DNAJC1: variants seen among roughly 807,000 people sequenced by gnomAD.
The protein encoded by DNAJC1 is DnaJ heat shock protein family (Hsp40) member C1, also known as dnaJ homolog subfamily C member 1.
In DNAJC1, 58 loss-of-function variants were observed where a neutral mutation model predicts 76.6. The observed-to-expected ratio is 0.76, with a 90% CI of 0.61 to 0.94. DNAJC1 has a LOEUF of 0.94. DNAJC1 is among the 40% of genes least tolerant of loss of function. The pLI is 0.00. For missense variants in DNAJC1, 689 were observed against 677.3 expected (o/e 1.02, Z -0.19); for synonymous variants, 258 against 267.9 (o/e 0.96, Z 0.36).
intron 7 of DNAJC1, among the ~76,000 whole-genome samples, chr10:21,890,402 G>C (rs1398983330): frequency 4.4e-5 from 6 of 136,590 alleles, no homozygotes; most frequent in Non-Finnish European, 9.2e-5. Flanking sequence ...GAAACAGTGA[G>C]ACTCCATATC....
chr10:21,781,608 C>T (rs887054996), intron 9 of DNAJC1, among the ~76,000 whole-genome samples: 2 of 150,718 alleles, frequency 1.3e-5, no homozygotes, highest in African/African-American at 4.9e-5. Flanking sequence ...GTAGTCCCAG[C>T]TACTCAGGAG....
At chr10:21,882,179 T>A in intron 8 of DNAJC1, 103 bp downstream of exon 8, 1 of 1,085,530 alleles carries the variant, frequency 9.2e-7, no homozygotes, top group South Asian at 1.8e-5. Context: ...ATAGTATTTG[T>A]GAAGTGCAAT....
chr10:21,968,327 C>G (rs1210850861), intron 1 of DNAJC1, among the ~76,000 whole-genome samples: 1 of 152,112 alleles, frequency 6.6e-6, no homozygotes, highest in African/African-American at 2.4e-5. Flanking sequence ...ACCTCACAAT[C>G]ACCTTATAAG....
intron 8 of DNAJC1, among the ~76,000 whole-genome samples, chr10:21,845,656 C>T (rs1006210567): frequency 1.3e-5 from 2 of 152,056 alleles, no homozygotes; most frequent in East Asian, 3.9e-4. Flanking sequence ...AATTTTTAAA[C>T]TGGGCTCTAA....
intron 3 of DNAJC1, among the ~76,000 whole-genome samples, chr10:21,924,017 T>C (rs1590051085): frequency 1.3e-5 from 2 of 152,170 alleles, no homozygotes; most frequent in East Asian, 3.9e-4. Flanking sequence ...GCTTGAATTT[T>C]TAGTTTAAAA....
chr10:21,972,135 C>A (rs1837989922), intron 1 of DNAJC1, among the ~76,000 whole-genome samples: 1 of 151,776 alleles, frequency 6.6e-6, no homozygotes, highest in African/African-American at 2.4e-5. Flanking sequence ...AATGAAATTA[C>A]AAAACAAAGA....
At position 21,916,066 on chromosome 10, in the gene DNAJC1, A is replaced by G. The variant is rs150931583; in HGVS notation, c.729+2713T>C. Among the ~76,000 whole-genome samples, 12 of 152,350 alleles carry G rather than the reference A, an allele frequency of 7.9e-5. No homozygotes were observed. In the East Asian group the frequency reaches 1.5e-3, roughly 20 times the overall value. On this transcript the variant is annotated intron_variant, in intron 6 of 11. Transcript: ENST00000376980. ...ATGAAAGACTTGGAGAAAACCATAT[A>G]TATCTACAAAGATTATACAATTACA...
At chr10:21,993,440 A>C (rs1361095273) in intron 1 of DNAJC1, among the ~76,000 whole-genome samples, 1 of 152,204 alleles carries the variant, frequency 6.6e-6, no homozygotes, top group East Asian at 1.9e-4. Context: ...CCAATTGGGA[A>C]GCTCGGTCTT....
intron 9 of DNAJC1, among the ~76,000 whole-genome samples, chr10:21,805,353 G>A (rs962440292): frequency 5.3e-5 from 8 of 151,282 alleles, no homozygotes; most frequent in Non-Finnish European, 1.0e-4. Context: ...AAAATTTTCT[G>A]CTCTAAATTT....
intron 8 of DNAJC1, among the ~76,000 whole-genome samples, chr10:21,827,247 C>T (rs1835276371): frequency 6.6e-6 from 1 of 152,132 alleles, no homozygotes; most frequent in Non-Finnish European, 1.5e-5. Flanking sequence ...TCCCCAGTGT[C>T]TGCCTTGGGG....
chr10:21,999,067 T>G (rs1324585108), intron 1 of DNAJC1, among the ~76,000 whole-genome samples: 1 of 152,226 alleles, frequency 6.6e-6, no homozygotes, highest in Non-Finnish European at 1.5e-5. Flanking sequence ...GATAAGGGGA[T>G]AAAGAAGATG....
chr10:21,845,764 T>C (rs1049548794), intron 8 of DNAJC1, among the ~76,000 whole-genome samples: 2 of 152,186 alleles, frequency 1.3e-5, no homozygotes, highest in South Asian at 2.1e-4. Flanking sequence ...AAAATAATTA[T>C]TAAAAAAACA....
chr10:21,772,554 C>T (rs1834398901), intron 9 of DNAJC1, among the ~76,000 whole-genome samples: 1 of 151,684 alleles, frequency 6.6e-6, no homozygotes, highest in African/African-American at 2.4e-5. Context: ...CTTTATAATC[C>T]TTTTTATTTA....
At chr10:21,919,361 G>A (rs1397418664) in intron 5 of DNAJC1, among the ~76,000 whole-genome samples, 1 of 151,952 alleles carries the variant, frequency 6.6e-6, no homozygotes, top group African/African-American at 2.4e-5. Context: ...CAGAATAGAT[G>A]ACAGGCAGAA....
intron 8 of DNAJC1, among the ~76,000 whole-genome samples, chr10:21,877,394 T>C (rs192462284): frequency 2.6e-4 from 40 of 151,584 alleles, no homozygotes; most frequent in African/African-American, 9.4e-4. Context: ...AAGACACCAC[T>C]AAGAACAAAA....
chr10:21,923,318 G>T (rs1837068290), intron 3 of DNAJC1, among the ~76,000 whole-genome samples: 1 of 151,902 alleles, frequency 6.6e-6, no homozygotes, highest in Non-Finnish European at 1.5e-5. Flanking sequence ...GCTGTTAAAA[G>T]ATAAATCACT....
At chr10:21,935,323 C>T (rs1837293640) in intron 1 of DNAJC1, among the ~76,000 whole-genome samples, 1 of 151,828 alleles carries the variant, frequency 6.6e-6, no homozygotes. Context: ...TCTGGACTAG[C>T]AAAATACATA....
At chr10:21,906,351 C>A (rs1836745142) in intron 6 of DNAJC1, among the ~76,000 whole-genome samples, 1 of 151,562 alleles carries the variant, frequency 6.6e-6, no homozygotes, top group Non-Finnish European at 1.5e-5. Context: ...CCTTAACATT[C>A]CCCACCCCCC....
At chr10:21,828,749 T>G (rs1380694412) in intron 8 of DNAJC1, among the ~76,000 whole-genome samples, 1 of 152,200 alleles carries the variant, frequency 6.6e-6, no homozygotes, top group Non-Finnish European at 1.5e-5. Flanking sequence ...CTCAGTAACA[T>G]TTTTGGAAGG....
Sources: allele counts gnomAD v4.1 joint callset (sites outside exome capture counted in the v4.1 genomes callset), GRCh38; gene constraint gnomAD v4.1.1; transcripts MANE v1.5; gene names NCBI Gene and HGNC (gene_info 2026-07-23, HGNC 2026-07-21).